The following MTTP variants were observed in gnomAD, a reference collection of about 807,000 sequenced individuals.
MTTP encodes the protein microsomal triglyceride transfer protein.
A neutral mutation model predicts 90.6 loss-of-function variants in MTTP; 49 were observed. The ratio of observed to expected loss-of-function variants is 0.54; its 90% CI spans 0.43 to 0.69. The LOEUF is 0.69. MTTP is among the 30% of genes least tolerant of loss of function. The pLI, the probability that MTTP is intolerant of heterozygous loss-of-function variation, is 0.00. For missense variants in MTTP, 945 were observed against 1,067.5 expected (o/e 0.89, Z 1.60); for synonymous variants, 347 against 384.2 (o/e 0.90, Z 1.13).
chr4:99,612,920 T>C lies in MTTP; in HGVS notation c.1997T>C (p.Ile666Thr), dbSNP rs768476408. 2 of 1,613,920 alleles carry C rather than the reference T, an allele frequency of 1.2e-6. No individual in the cohort carries two copies. The highest frequency in any genetic ancestry group is 1.1e-5 in the South Asian group (1 of 91,070). ...KAGLHGSQVV[I>T]EAQGLEALIA... Reference sequence around the variant, plus strand: ...TATATTGATTTTATCCAGGTGGTTATTGAAGCCCAAGGACTGGAAGCCTTA... The same window carrying C: ...TATATTGATTTTATCCAGGTGGTTACTGAAGCCCAAGGACTGGAAGCCTTA... Residue 666 changes from isoleucine (I) to threonine (T), a missense_variant, in exon 15 of 18, where the codon ATT (isoleucine) becomes ACT (threonine). Physicochemically the swap from Ile to Thr is moderately conservative, Grantham distance 89. Transcript: ENST00000265517.
chr4:99,587,849 G>A (rs578148803), intron 3 of MTTP, among the ~76,000 whole-genome samples: 2 of 152,242 alleles, frequency 1.3e-5, no homozygotes, highest in East Asian at 1.9e-4. Flanking sequence ...GATTATTAGA[G>A]GAAGGAGATA....
chr4:99,594,285 C>T, intron 6 of MTTP, among the ~76,000 whole-genome samples: 1 of 152,106 alleles, frequency 6.6e-6, no homozygotes, highest in East Asian at 1.9e-4. Flanking sequence ...GTAGACCCTA[C>T]CTTTTGATGA....
chr4:99,608,276 C>A (rs150284152), intron 11 of MTTP, among the ~76,000 whole-genome samples: 1 of 152,022 alleles, frequency 6.6e-6, no homozygotes, highest in Admixed American at 6.6e-5. Flanking sequence ...GAAACCCCAT[C>A]TCTACTAAAA....
At chr4:99,617,715 T>C (rs556863416) in intron 15 of MTTP, among the ~76,000 whole-genome samples, 1 of 151,408 alleles carries the variant, frequency 6.6e-6, no homozygotes, top group South Asian at 2.1e-4. Flanking sequence ...CTAATGTACA[T>C]GAAAAAAAAA....
intron 3 of MTTP, chr4:99,583,799 T>G: frequency 1.8e-6 from 1 of 560,328 alleles, no homozygotes; most frequent in Non-Finnish European, 3.1e-6. Context: ...AAAGGTAAAT[T>G]TCTCATCAAA....
intron 10 of MTTP, among the ~76,000 whole-genome samples, chr4:99,605,153 T>C (rs1404364190): frequency 3.9e-5 from 6 of 152,158 alleles, no homozygotes; most frequent in Non-Finnish European, 8.8e-5. Context: ...CAGAACTGTG[T>C]TTTAAAAGTA....
intron 10 of MTTP, among the ~76,000 whole-genome samples, chr4:99,606,298 C>G (rs1388222914): frequency 6.6e-6 from 1 of 152,074 alleles, no homozygotes; most frequent in Non-Finnish European, 1.5e-5. Flanking sequence ...AAAACAAACA[C>G]TTTTAAAACA....
At chr4:99,568,187 TA>T (rs1724750403) in intron 1 of MTTP, among the ~76,000 whole-genome samples, 2 of 151,978 alleles carry the variant, frequency 1.3e-5, no homozygotes, top group Admixed American at 1.3e-4. Flanking sequence ...CAATAAGATT[TA>T]AAAAGAAAAT....
At chr4:99,566,297 G>GAAAAAAAAAAAA (rs567380343) in intron 1 of MTTP, among the ~76,000 whole-genome samples, 24 of 117,486 alleles carry the variant, frequency 2.0e-4, no homozygotes, top group South Asian at 2.7e-4. Flanking sequence ...TCAAAAAAAA[G>GAAAAAAAAAAAA]AAAAAAAAAA....
Position 99,609,959 on chromosome 4 carries a change from C to T in MTTP, c.1769+982C>T, listed in dbSNP as rs141470206. On this transcript the variant is annotated intron_variant, in intron 12 of 17. Transcript: ENST00000265517. ...TGCTGCCTTCGTCTTATGGCTCTAG[C>T]ATTTCAGGGACCCGGAAAGAGGAGA... Among the ~76,000 whole-genome samples, 7 of 152,260 alleles carry T rather than the reference C, an allele frequency of 4.6e-5. No homozygotes were observed. The East Asian group carries it at 1.3e-3, about 29-fold the overall frequency.
chr4:99,594,415 T>A (rs896813399), intron 6 of MTTP, among the ~76,000 whole-genome samples: 3 of 152,260 alleles, frequency 2.0e-5, no homozygotes, highest in Non-Finnish European at 2.9e-5. Flanking sequence ...GATATCATTT[T>A]CAGAAAGCTG....
intron 6 of MTTP, among the ~76,000 whole-genome samples, chr4:99,594,061 A>G (rs964655531): frequency 2.0e-5 from 3 of 152,174 alleles, no homozygotes; most frequent in Non-Finnish European, 2.9e-5. Context: ...TCATGCAACT[A>G]TCTTTATTTC....
At position 99,604,344 on chromosome 4, in the gene MTTP, T is replaced by G. The variant is rs1241726109; in HGVS notation, c.1345-2404T>G. ...CTAGACAAGTGCACAACCAGTACTA[T>G]GCCACATGTTTCTTTTTTATGTTTG... On this transcript the variant is annotated intron_variant, in intron 10 of 17. Coordinates refer to ENST00000265517, the MANE Select transcript of MTTP (RefSeq NM_001386140.1). Among the ~76,000 whole-genome samples the G allele has an allele frequency of 3.9e-5, 6 of 152,170 alleles. 1 individual carries two copies.
intron 4 of MTTP, among the ~76,000 whole-genome samples, chr4:99,591,008 T>G (rs1318872011): frequency 2.0e-5 from 3 of 152,058 alleles, no homozygotes; most frequent in Admixed American, 2.0e-4. Context: ...CCCACATTAT[T>G]TGTGAAAAAA....
Position 99,623,202 on chromosome 4 carries a change from C to T in MTTP, c.*354C>T, listed in dbSNP as rs1726285139. 1 of 306,202 alleles carries T rather than the reference C, an allele frequency of 3.3e-6. No individual in the cohort carries two copies. The highest frequency in any genetic ancestry group is 2.2e-5 in the African/African-American group (1 of 44,892). 19.0% of individuals were successfully genotyped at this position (306,202 alleles called of 1,614,324 possible). On this transcript the variant is annotated 3_prime_UTR_variant, in exon 18 of 18. Coordinates refer to ENST00000265517, the MANE Select transcript of MTTP (RefSeq NM_001386140.1). ...CAAGGAGAACCCAATTTTGTTTCAA[C>T]AATTTTTGATCAATGTATATGAAGC...
intron 1 of MTTP, among the ~76,000 whole-genome samples, chr4:99,569,701 T>A (rs1038554157): frequency 1.3e-5 from 2 of 152,028 alleles, no homozygotes; most frequent in African/African-American, 4.8e-5. Flanking sequence ...GTTCAGTGAA[T>A]ATTGTTCTAA....
intron 15 of MTTP, among the ~76,000 whole-genome samples, chr4:99,616,078 T>C (rs56304620): frequency 0.037 from 5,649 of 152,194 alleles, 152 homozygotes; most frequent in South Asian, 0.074. Context: ...GAGTTTGTGA[T>C]AGCCATGAAT....
chr4:99,622,982 A>G lies in MTTP; in HGVS notation c.*134A>G. The G allele has an allele frequency of 5.5e-6, 6 of 1,099,776 alleles. No individual in the cohort carries two copies. Among genetic ancestry groups the G allele is most frequent in the Non-Finnish European group, 8.2e-6 (6 of 728,466 alleles). The allele number at this position is 1,099,776 out of a possible 1,614,324, so 68.1% of individuals were successfully genotyped here. ...TTAAGATTTTTGTAAAAAGCTACAA[A>G]AAACTGCAGTTTGATCAAATTTGGG... On this transcript the variant is annotated 3_prime_UTR_variant, in exon 18 of 18. Coordinates refer to ENST00000265517, the MANE Select transcript of MTTP (RefSeq NM_001386140.1).
At chr4:99,612,649 A>G (rs1725989182) in intron 14 of MTTP, among the ~76,000 whole-genome samples, 1 of 152,136 alleles carries the variant, frequency 6.6e-6, no homozygotes, top group Non-Finnish European at 1.5e-5. Context: ...AGCTGAGTAA[A>G]CTTGAAAACT....
Sources: gnomAD v4.1 joint callset for allele counts (sites outside exome capture counted in the v4.1 genomes callset) on GRCh38, gnomAD v4.1.1 for gene constraint, MANE v1.5 for transcripts, NCBI Gene and HGNC (gene_info 2026-07-23, HGNC 2026-07-21) for gene names.